The following COL4A6 variants were observed in gnomAD, a reference collection of about 807,000 sequenced individuals.
The protein encoded by COL4A6 is collagen type IV alpha 6 chain.
A neutral mutation model predicts 126.7 loss-of-function variants in COL4A6; 59 were observed. The observed-to-expected ratio is 0.47, with a 90% CI of 0.38 to 0.58. The LOEUF (loss-of-function observed/expected upper bound fraction) is 0.58. Ranked by LOEUF, COL4A6 falls within the 20% of genes least tolerant of loss-of-function variation. The pLI is 0.00. For synonymous variants in COL4A6, 547 were observed against 496.6 expected (o/e 1.10, Z -1.35); for missense variants, 1,285 against 1,337.3 (o/e 0.96, Z 0.61).
In COL4A6 at chrX:108,159,659, C is replaced by T. The variant is rs2033855070; in HGVS notation, c.4615G>A (p.Asp1539Asn). ...GTAGTGGAGAGCCAGTAAGATTTAT[C>T]ATTGCGCCTGGCATAGTGGCACACC... Reference protein sequence around the residue: ...NEVCHYARRNDKSYWLSTTAP... With the variant: ...NEVCHYARRNNKSYWLSTTAP... The change falls in exon 44 of 45, where the codon GAT becomes AAT. Residue 1539 changes from aspartate (D) to asparagine (N), a missense_variant. Transcript: ENST00000334504. The T allele has an allele frequency of 8.3e-7, 1 of 1,212,076 alleles. No individual in the cohort carries two copies. Among genetic ancestry groups the T allele is most frequent in the Non-Finnish European group, 1.1e-6 (1 of 895,598 alleles).
chrX:108,160,670 C>A lies in COL4A6; in HGVS notation c.4334-16G>T. On this transcript the variant is annotated splice_polypyrimidine_tract_variant and intron_variant, in intron 42 of 44. Coordinates refer to ENST00000334504, the MANE Select transcript of COL4A6 (RefSeq NM_033641.4). ...CCTGGAGCTCCTGAGAGAGACAGAT[C>A]ATAAAAGGTGAGTGTGGTGCAGCTA... 8.4e-7 allele frequency: 1 copy of A among 1,185,019 alleles called. No individual in the cohort carries two copies. The highest frequency in any genetic ancestry group is 3.0e-5 in the East Asian group (1 of 33,409).
intron 2 of COL4A6, among the ~76,000 whole-genome samples, chrX:108,318,425 A>C (rs1233228525): frequency 9.0e-6 from 1 of 111,295 alleles, no homozygotes; most frequent in Non-Finnish European, 1.9e-5. Context: ...GAAAAGAGGA[A>C]GTCAAATTGT....
intron 2 of COL4A6, among the ~76,000 whole-genome samples, chrX:108,434,765 GATAT>G (rs752381684): frequency 9.8e-6 from 1 of 102,473 alleles, no homozygotes; most frequent in Admixed American, 1.1e-4. Flanking sequence ...GTCATCCCAA[GATAT>G]ATATATATAT....
In COL4A6 at chrX:108,377,394, T is replaced by C. The variant is rs774469509; in HGVS notation, c.63+60548A>G. On this transcript the variant is annotated intron_variant, in intron 2 of 44. Coordinates refer to ENST00000334504, the MANE Select transcript of COL4A6 (RefSeq NM_033641.4). Reference sequence around the variant, plus strand: ...GCAAAGAGGTCTTCCTCTTTCTTTTTTTTTTTTATGTGAAAAGAATTGTCA... The same window carrying C: ...GCAAAGAGGTCTTCCTCTTTCTTTTCTTTTTTTATGTGAAAAGAATTGTCA... Among the ~76,000 whole-genome samples the C allele has an allele frequency of 3.1e-3, 339 of 110,063 alleles. 1 individual carries two copies. Among genetic ancestry groups the C allele is most frequent in the African/African-American group, 0.011 (329 of 30,325 alleles).
At chrX:108,194,301 G>A (rs898523523) in intron 16 of COL4A6, among the ~76,000 whole-genome samples, 10 of 111,826 alleles carry the variant, frequency 8.9e-5, no homozygotes, top group African/African-American at 2.9e-4. Context: ...CCTCATCTTC[G>A]GGATGAACTT....
At chrX:108,298,632 C>G (rs997453816) in intron 3 of COL4A6, among the ~76,000 whole-genome samples, 3 of 110,876 alleles carry the variant, frequency 2.7e-5, no homozygotes. Flanking sequence ...AGGGCGGGAT[C>G]AGGTTCCCCT....
intron 3 of COL4A6, among the ~76,000 whole-genome samples, chrX:108,282,798 C>G (rs1217222667): frequency 1.8e-5 from 2 of 109,302 alleles, no homozygotes; most frequent in East Asian, 5.8e-4. Flanking sequence ...ACATATACAT[C>G]ATGGAATACT....
At chrX:108,331,037 A>G (rs73526981) in intron 2 of COL4A6, among the ~76,000 whole-genome samples, 6,918 of 111,473 alleles carry the variant, frequency 0.062, 490 homozygotes, top group African/African-American at 0.2. Flanking sequence ...TGTAAAGGAC[A>G]TCATGAAATG....
chrX:108,206,066 C>A (rs1207790325), intron 9 of COL4A6, among the ~76,000 whole-genome samples: 1 of 111,728 alleles, frequency 9.0e-6, no homozygotes, highest in Non-Finnish European at 1.9e-5. Flanking sequence ...TGCTTTTCCT[C>A]TACCAGTGAT....
intron 2 of COL4A6, among the ~76,000 whole-genome samples, chrX:108,403,839 A>T (rs761013001): frequency 2.7e-5 from 3 of 111,817 alleles, no homozygotes; most frequent in Non-Finnish European, 5.6e-5. Context: ...TGAATCAAAG[A>T]TCTGCTTCAT....
chrX:108,175,764 G>T lies in COL4A6; in HGVS notation c.2720C>A (p.Pro907Gln), dbSNP rs1431290898. 1 of 1,196,325 alleles carries T rather than the reference G, an allele frequency of 8.4e-7. No individual in the cohort carries two copies. ...EKGSVGFVGF[P>Q]GIPGLPGIPG... ...AATACCAGGCAGACCTGGTATTCCT[G>T]GAAAACCTACGAATCCAACAGACCC... Residue 907 changes from proline to glutamine, a missense_variant, in exon 29 of 45, where the codon CCA becomes CAA. Coordinates refer to ENST00000334504, the MANE Select transcript of COL4A6 (RefSeq NM_033641.4).
intron 2 of COL4A6, among the ~76,000 whole-genome samples, chrX:108,417,105 T>C (rs2041450053): frequency 8.9e-6 from 1 of 111,768 alleles, no homozygotes; most frequent in African/African-American, 3.3e-5. Flanking sequence ...TATTAGATGC[T>C]GATGAAGTAT....
At chrX:108,185,203 C>T (rs1461663737) in intron 23 of COL4A6, among the ~76,000 whole-genome samples, 1 of 110,324 alleles carries the variant, frequency 9.1e-6, no homozygotes, top group Non-Finnish European at 1.9e-5. Context: ...ACCAGCCTGG[C>T]CAACATGGTG....
chrX:108,244,049 C>CT (rs2036648087), intron 3 of COL4A6, among the ~76,000 whole-genome samples: 1 of 110,547 alleles, frequency 9.0e-6, no homozygotes, highest in Admixed American at 9.6e-5. Context: ...ACATATGATC[C>CT]TTTTTTCTGA....
At position 108,394,855 on chromosome X, in the gene COL4A6, ATAGAAGT is replaced by A. The variant is rs2040928215; in HGVS notation, c.63+43080_63+43086del. Among the ~76,000 whole-genome samples, 3 of 111,976 alleles carry A rather than the reference ATAGAAGT, an allele frequency of 2.7e-5. No homozygotes were observed. In the Admixed American group the frequency reaches 2.8e-4, roughly 11 times the overall value. On this transcript the variant is annotated intron_variant, in intron 2 of 44. Transcript: ENST00000334504. The stretch of plus-strand genomic sequence containing the variant: ...AAGAGTCAAAAAGTAATCTATGGTG[ATAGAAGT>A]TAGAAGCAAGTCTGGTGCAATTCTG...
intron 4 of COL4A6, among the ~76,000 whole-genome samples, chrX:108,220,387 A>G (rs1021747824): frequency 3.6e-5 from 4 of 111,794 alleles, no homozygotes; most frequent in Non-Finnish European, 7.5e-5. Flanking sequence ...TCATCTGCCC[A>G]GTGTCAGGTG....
rs935084939 is a variant in COL4A6 at position 108,278,362 on chromosome X, C to T, written c.144+32386G>A. Among the ~76,000 whole-genome samples, 12 of 111,484 alleles carry T rather than the reference C, an allele frequency of 1.1e-4. No individual in the cohort carries two copies. The South Asian group carries it at 1.5e-3, about 14-fold the overall frequency. On this transcript the variant is annotated intron_variant, in intron 3 of 44. Coordinates refer to ENST00000334504, the MANE Select transcript of COL4A6 (RefSeq NM_033641.4). Reference sequence around the variant, plus strand: ...TGAAGAGTGCAGAAGCCTCAGGAGCCGATGCAATCAACTGGAAGAAAGGGT... The same window carrying T: ...TGAAGAGTGCAGAAGCCTCAGGAGCTGATGCAATCAACTGGAAGAAAGGGT...
chrX:108,261,990 C>CA, intron 3 of COL4A6, among the ~76,000 whole-genome samples: 1 of 111,881 alleles, frequency 8.9e-6, no homozygotes, highest in South Asian at 3.7e-4. Context: ...CAACTCTTGG[C>CA]AAAAACACAA....
chrX:108,169,722 A>G, intron 36 of COL4A6, 102 bp from the exon 37 acceptor site: 1 of 1,038,607 alleles, frequency 9.6e-7, no homozygotes, highest in Non-Finnish European at 1.3e-6. Flanking sequence ...GACAGACACC[A>G]GAGGCAGAGT....
Sources: gnomAD v4.1 joint callset for allele counts (sites outside exome capture counted in the v4.1 genomes callset) on GRCh38, gnomAD v4.1.1 for gene constraint, MANE v1.5 for transcripts, NCBI Gene and HGNC (gene_info 2026-07-23, HGNC 2026-07-21) for gene names.